The following DCC variants were observed in gnomAD, a reference collection of about 807,000 sequenced individuals.
DCC encodes the protein DCC netrin 1 receptor, also known as netrin receptor DCC.
In DCC, 58 loss-of-function variants were observed where a neutral mutation model predicts 172.5. The observed-to-expected ratio is 0.34, with a 90% CI of 0.27 to 0.42. DCC has a LOEUF of 0.42. DCC is among the 10% of genes least tolerant of loss of function. DCC has a pLI of 1.00. For missense variants in DCC, 1,740 were observed against 1,791.0 expected, an observed-to-expected ratio of 0.97 and a Z score of 0.51; for synonymous variants, 709 against 644.5, an observed-to-expected ratio of 1.10 and a Z score of -1.52.
intron 15 of DCC, among the ~76,000 whole-genome samples, chr18:53,351,395 T>TATAC (rs2057802737): frequency 2.0e-4 from 6 of 29,760 alleles, no homozygotes; most frequent in East Asian, 8.5e-4. Context: ...TATATATATA[T>TATAC]ACAGTGTATA....
At position 52,657,103 on chromosome 18, in the gene DCC, C is replaced by T. The variant is rs1351607310; in HGVS notation, c.92-94951C>T. 1.3e-5 allele frequency among the ~76,000 whole-genome samples: 2 copies of T among 152,164 alleles called. 1 individual carries two copies. Among genetic ancestry groups the T allele is most frequent in the South Asian group, 4.1e-4 (2 of 4,832 alleles). On this transcript the variant is annotated intron_variant, in intron 1 of 28. Coordinates refer to ENST00000442544, the MANE Select transcript of DCC (RefSeq NM_005215.4). Reference sequence around the variant, plus strand: ...ATATACAAGATTAAAGTGAGTGACCCAGTATTGTGCGGCAAGATTGAGTCT... The same window carrying T: ...ATATACAAGATTAAAGTGAGTGACCTAGTATTGTGCGGCAAGATTGAGTCT...
intron 1 of DCC, among the ~76,000 whole-genome samples, chr18:52,432,053 T>C (rs1051502376): frequency 6.6e-5 from 10 of 152,202 alleles, no homozygotes; most frequent in Non-Finnish European, 1.5e-4. Context: ...TGCTGCACTG[T>C]TTGCCACTTT....
At position 52,714,606 on chromosome 18, in the gene DCC, A is replaced by G. The variant is rs888673611; in HGVS notation, c.92-37448A>G. On this transcript the variant is annotated intron_variant, in intron 1 of 28. Coordinates refer to ENST00000442544, the MANE Select transcript of DCC (RefSeq NM_005215.4). ...GTTGAGAGGCTGAAATAATTTGGAT[A>G]AGCATCTCATCCATTTGAATTCTGA... 7.9e-5 allele frequency among the ~76,000 whole-genome samples: 12 copies of G among 152,154 alleles called. No homozygotes were observed. The East Asian group carries it at 2.3e-3, about 29-fold the overall frequency.
At chr18:52,672,325 A>G (rs2035568836) in intron 1 of DCC, among the ~76,000 whole-genome samples, 1 of 152,206 alleles carries the variant, frequency 6.6e-6, no homozygotes, top group Non-Finnish European at 1.5e-5. Flanking sequence ...GCTATTCACT[A>G]TAAGATGTCA....
chr18:53,279,166 T>C (rs556558607), intron 12 of DCC, among the ~76,000 whole-genome samples: 1 of 152,298 alleles, frequency 6.6e-6, no homozygotes, highest in African/African-American at 2.4e-5. Flanking sequence ...TGGCCAGTGA[T>C]GATGAACATT....
At chr18:52,556,030 T>C (rs953119965) in intron 1 of DCC, among the ~76,000 whole-genome samples, 3 of 152,204 alleles carry the variant, frequency 2.0e-5, no homozygotes, top group Admixed American at 6.6e-5. Flanking sequence ...ATCCTTTTAG[T>C]GAAGAATATA....
chr18:52,903,455 C>T (rs2039838148), intron 2 of DCC, among the ~76,000 whole-genome samples: 1 of 152,152 alleles, frequency 6.6e-6, no homozygotes, highest in Admixed American at 6.5e-5. Flanking sequence ...GATTCTCTCA[C>T]CTTTGCCTCC....
chr18:53,498,321 G>T (rs139923702), intron 26 of DCC, among the ~76,000 whole-genome samples: 53 of 152,138 alleles, frequency 3.5e-4, no homozygotes, highest in African/African-American at 1.2e-3. Flanking sequence ...TCAAAAGCAA[G>T]ATATTATCTT....
At chr18:52,998,757 C>T (rs769522063) in intron 5 of DCC, among the ~76,000 whole-genome samples, 11 of 151,788 alleles carry the variant, frequency 7.2e-5, no homozygotes, top group Non-Finnish European at 1.2e-4. Context: ...ATTGTTTTTC[C>T]CTAGGATCAC....
chr18:53,026,849 A>G (rs1448010830), intron 5 of DCC, among the ~76,000 whole-genome samples: 7 of 152,082 alleles, frequency 4.6e-5, no homozygotes, highest in Non-Finnish European at 1.5e-5. Context: ...AAGCATAGCC[A>G]CTATGCCTGG....
intron 2 of DCC, among the ~76,000 whole-genome samples, chr18:52,767,591 T>C (rs8088855): frequency 0.11 from 16,479 of 152,260 alleles, 2,978 homozygotes; most frequent in African/African-American, 0.38. Context: ...TGTTGGTTTC[T>C]TGTGTTCAAA....
intron 1 of DCC, among the ~76,000 whole-genome samples, chr18:52,498,852 C>G (rs553612901): frequency 4.6e-5 from 7 of 151,994 alleles, no homozygotes; most frequent in Admixed American, 6.6e-5. Context: ...GGATTAGAGA[C>G]CCACTCTCAT....
At chr18:52,494,929 T>G (rs1438161670) in intron 1 of DCC, among the ~76,000 whole-genome samples, 1 of 152,130 alleles carries the variant, frequency 6.6e-6, no homozygotes, top group Non-Finnish European at 1.5e-5. Context: ...GAGCATCCAC[T>G]GTCTTCCTTC....
intron 15 of DCC, among the ~76,000 whole-genome samples, chr18:53,355,823 T>C (rs1326495456): frequency 6.6e-6 from 1 of 152,122 alleles, no homozygotes; most frequent in Admixed American, 6.6e-5. Flanking sequence ...CATAATATGA[T>C]TTTTATTTCT....
chr18:52,981,485 A>G (rs554654090), intron 5 of DCC, among the ~76,000 whole-genome samples: 99 of 152,194 alleles, frequency 6.5e-4, no homozygotes, highest in African/African-American at 2.2e-3. Context: ...TCTTTACCTA[A>G]GGGATTGGCA....
chr18:52,502,632 A>C (rs538967438), intron 1 of DCC, among the ~76,000 whole-genome samples: 57 of 152,314 alleles, frequency 3.7e-4, no homozygotes, highest in African/African-American at 1.3e-3. Flanking sequence ...TAGAAATAGC[A>C]GGGTTGCAAA....
intron 15 of DCC, among the ~76,000 whole-genome samples, chr18:53,369,099 C>A (rs2058034207): frequency 6.6e-6 from 1 of 152,044 alleles, no homozygotes; most frequent in East Asian, 1.9e-4. Flanking sequence ...TATTTAAAGT[C>A]TTTAATTTCT....
At chr18:52,431,824 C>T (rs768607421) in intron 1 of DCC, among the ~76,000 whole-genome samples, 24 of 152,120 alleles carry the variant, frequency 1.6e-4, no homozygotes, top group Admixed American at 5.9e-4. Flanking sequence ...AAATGTCAAG[C>T]CCCATTTGAT....
chr18:53,024,510 C>A (rs1171477333), intron 5 of DCC, among the ~76,000 whole-genome samples: 1 of 152,078 alleles, frequency 6.6e-6, no homozygotes, highest in Non-Finnish European at 1.5e-5. Flanking sequence ...TTCCCATGAG[C>A]CAAAGAGCCC....
Sources: allele counts gnomAD v4.1 joint callset (sites outside exome capture counted in the v4.1 genomes callset), GRCh38; gene constraint gnomAD v4.1.1; transcripts MANE v1.5; gene names NCBI Gene and HGNC (gene_info 2026-07-23, HGNC 2026-07-21).